MYO1D: variants seen among roughly 807,000 people sequenced by gnomAD.
The protein encoded by MYO1D is unconventional myosin-Id.
Under a neutral mutation model 122.0 loss-of-function variants are expected in MYO1D, and 83 were observed. The observed-to-expected ratio is 0.68, with a 90% CI of 0.57 to 0.82. The LOEUF is 0.82. MYO1D is among the 40% of genes least tolerant of loss of function. MYO1D has a pLI of 0.00. For missense variants in MYO1D, 1,157 were observed against 1,269.5 expected, an observed-to-expected ratio of 0.91 and a Z score of 1.35; for synonymous variants, 464 against 446.9, an observed-to-expected ratio of 1.04 and a Z score of -0.48.
intron 20 of MYO1D, among the ~76,000 whole-genome samples, chr17:32,635,747 T>G (rs1231131283): frequency 2.0e-5 from 3 of 152,078 alleles, no homozygotes; most frequent in Non-Finnish European, 4.4e-5. Flanking sequence ...GCTTACAGTC[T>G]GTCCTTGGAG....
At chr17:32,772,956 C>T in intron 4 of MYO1D, 114 bp from the exon 5 acceptor site, 1 of 776,266 alleles carries the variant, frequency 1.3e-6, no homozygotes, top group East Asian at 2.5e-5. Context: ...ACGTATACAT[C>T]CAGATGGCCT....
chr17:32,738,369 T>C lies in MYO1D; in HGVS notation c.1630A>G (p.Lys544Glu), dbSNP rs1443467922. ...AGTTTGCCTTCAGGCCACATATTCT[T>C]GAGCACAGGATTTGAACTGAGAAGC... ...LMYNSSNPVL[K>E]NMWPEGKLSI... Residue 544 changes from lysine to glutamate, a missense_variant, in exon 14 of 22, where the codon AAG (lysine) becomes GAG (glutamate). Lys to Glu is a moderately conservative substitution (Grantham distance 56). Transcript: ENST00000318217. The C allele has an allele frequency of 6.3e-7, 1 of 1,598,458 alleles. No homozygotes were observed. Among genetic ancestry groups the C allele is most frequent in the Non-Finnish European group, 8.5e-7 (1 of 1,172,984 alleles).
chr17:32,525,838 A>G (rs1432439321), intron 21 of MYO1D, among the ~76,000 whole-genome samples: 1 of 152,184 alleles, frequency 6.6e-6, no homozygotes, highest in Non-Finnish European at 1.5e-5. Context: ...GAGGAGAGGC[A>G]GGGTCACTCA....
At chr17:32,640,353 T>C (rs1349057448) in intron 19 of MYO1D, among the ~76,000 whole-genome samples, 1 of 152,008 alleles carries the variant, frequency 6.6e-6, no homozygotes, top group Non-Finnish European at 1.5e-5. Context: ...ACTTTAAGTT[T>C]TAGGGTACAT....
At chr17:32,563,220 T>C (rs868597642) in intron 21 of MYO1D, among the ~76,000 whole-genome samples, 13 of 142,752 alleles carry the variant, frequency 9.1e-5, no homozygotes, top group Admixed American at 2.1e-4. Flanking sequence ...TTTTTTTTTT[T>C]TTTTTTTGAG....
intron 1 of MYO1D, among the ~76,000 whole-genome samples, chr17:32,784,752 A>T (rs997019437): frequency 1.4e-4 from 21 of 152,168 alleles, no homozygotes; most frequent in African/African-American, 5.1e-4. Flanking sequence ...TAGGAAGTCA[A>T]GATGAGAGGG....
intron 21 of MYO1D, among the ~76,000 whole-genome samples, chr17:32,580,224 A>AT (rs2087319602): frequency 1.4e-5 from 2 of 138,848 alleles, no homozygotes; most frequent in African/African-American, 2.7e-5. Context: ...TTTGCTTTAG[A>AT]TTTTTTCACA....
At chr17:32,827,544 G>A (rs191653244) in intron 1 of MYO1D, among the ~76,000 whole-genome samples, 1 of 152,130 alleles carries the variant, frequency 6.6e-6, no homozygotes, top group Non-Finnish European at 1.5e-5. Context: ...ACACTTAAAA[G>A]TGGCTAAAAT....
chr17:32,754,554 A>G (rs2089928089), intron 11 of MYO1D, among the ~76,000 whole-genome samples: 1 of 152,254 alleles, frequency 6.6e-6, no homozygotes, highest in African/African-American at 2.4e-5. Context: ...TAATTGTGGA[A>G]TTTCTCTGTT....
intron 14 of MYO1D, among the ~76,000 whole-genome samples, chr17:32,729,023 C>T (rs2089607448): frequency 6.6e-6 from 1 of 152,132 alleles, no homozygotes; most frequent in African/African-American, 2.4e-5. Flanking sequence ...TAAATGCTGC[C>T]TCCTCTCTCA....
At chr17:32,871,388 G>C (rs1421699625) in intron 1 of MYO1D, among the ~76,000 whole-genome samples, 2 of 152,152 alleles carry the variant, frequency 1.3e-5, no homozygotes. Context: ...ATAGTGACAA[G>C]GCTGAAAATC....
chr17:32,852,788 G>T (rs1033405082), intron 1 of MYO1D, among the ~76,000 whole-genome samples: 1 of 151,956 alleles, frequency 6.6e-6, no homozygotes, highest in Non-Finnish European at 1.5e-5. Flanking sequence ...GATAAAAAAA[G>T]AAACAATTTT....
At chr17:32,559,105 C>T (rs915184290) in intron 21 of MYO1D, among the ~76,000 whole-genome samples, 1 of 152,158 alleles carries the variant, frequency 6.6e-6, no homozygotes, top group Non-Finnish European at 1.5e-5. Context: ...GCAATATGAA[C>T]CAAATTGTCT....
intron 1 of MYO1D, among the ~76,000 whole-genome samples, chr17:32,807,997 C>A (rs1254478246): frequency 6.6e-6 from 1 of 152,192 alleles, no homozygotes; most frequent in Non-Finnish European, 1.5e-5. Context: ...TTTGTGGTTG[C>A]TATTGTTACT....
intron 16 of MYO1D, among the ~76,000 whole-genome samples, chr17:32,706,491 A>G (rs1419713735): frequency 6.6e-6 from 1 of 152,214 alleles, no homozygotes; most frequent in South Asian, 2.1e-4. Flanking sequence ...ATGCTGTACT[A>G]TAACAAAAAC....
At chr17:32,837,719 T>C (rs1334818033) in intron 1 of MYO1D, among the ~76,000 whole-genome samples, 1 of 152,140 alleles carries the variant, frequency 6.6e-6, no homozygotes, top group Non-Finnish European at 1.5e-5. Context: ...CAATAATGCA[T>C]CATAATACCA....
intron 21 of MYO1D, among the ~76,000 whole-genome samples, chr17:32,546,673 C>T (rs1336453121): frequency 6.6e-6 from 1 of 152,196 alleles, no homozygotes; most frequent in Non-Finnish European, 1.5e-5. Context: ...AACCCCTGTG[C>T]TCCCAAATAT....
intron 21 of MYO1D, among the ~76,000 whole-genome samples, chr17:32,569,936 T>A (rs1267412430): frequency 1.3e-5 from 2 of 152,150 alleles, no homozygotes; most frequent in Non-Finnish European, 2.9e-5. Flanking sequence ...CTCTGAGAAC[T>A]AGAAGAAACC....
intron 16 of MYO1D, among the ~76,000 whole-genome samples, chr17:32,689,292 A>G (rs1337484354): frequency 6.6e-6 from 1 of 152,198 alleles, no homozygotes; most frequent in Non-Finnish European, 1.5e-5. Flanking sequence ...TGTCACCAAC[A>G]TATTTTCTAT....
Sources: allele counts gnomAD v4.1 joint callset (sites outside exome capture counted in the v4.1 genomes callset), GRCh38; gene constraint gnomAD v4.1.1; transcripts MANE v1.5; gene names NCBI Gene and HGNC (gene_info 2026-07-23, HGNC 2026-07-21).